RNF6: variants seen among roughly 807,000 people sequenced by gnomAD.
RNF6 encodes E3 ubiquitin-protein ligase RNF6.
Under a neutral mutation model 50.1 loss-of-function variants are expected in RNF6, and 21 were observed. That is an observed-to-expected ratio of 0.42 (90% CI 0.30 to 0.60). The LOEUF (loss-of-function observed/expected upper bound fraction) is 0.60. RNF6 is among the 20% of genes least tolerant of loss of function. The pLI is 0.20. For synonymous variants in RNF6, 255 were observed against 291.8 expected, an observed-to-expected ratio of 0.87 and a Z score of 1.29; for missense variants, 698 against 838.2, an observed-to-expected ratio of 0.83 and a Z score of 2.07.
chr13:26,198,128 GTATA>G (rs61658351), intron 5 of RNF6, among the ~76,000 whole-genome samples: 132,847 of 149,938 alleles, frequency 0.89, 59,054 homozygotes, highest in East Asian at 0.98. Context: ...GTGTGTGTGT[GTATA>G]TATATATATA....
intron 5 of RNF6, among the ~76,000 whole-genome samples, chr13:26,153,880 G>A (rs141813336): frequency 1.3e-3 from 203 of 152,176 alleles, no homozygotes; most frequent in African/African-American, 4.7e-3. Context: ...GTATTTTTCA[G>A]CCCCAAAATG....
At chr13:26,141,315 C>G (rs1413519467) in intron 5 of RNF6, among the ~76,000 whole-genome samples, 1 of 151,652 alleles carries the variant, frequency 6.6e-6, no homozygotes, top group African/African-American at 2.4e-5. Flanking sequence ...TTAATCCTAG[C>G]TACTCAGGAG....
intron 5 of RNF6, among the ~76,000 whole-genome samples, chr13:26,198,996 A>G (rs1868789993): frequency 6.6e-6 from 1 of 151,990 alleles, no homozygotes. Flanking sequence ...ATAAATGGAG[A>G]TATATACCAT....
At chr13:26,211,002 T>C (rs921139494), downstream of RNF6, among the ~76,000 whole-genome samples, 2 of 152,228 alleles carry the variant, frequency 1.3e-5, no homozygotes, top group African/African-American at 4.8e-5. Context: ...TCTACGGACC[T>C]GACATGGAAC....
At chr13:26,206,009 T>C (rs894713396) in intron 5 of RNF6, among the ~76,000 whole-genome samples, 1 of 152,122 alleles carries the variant, frequency 6.6e-6, no homozygotes, top group Non-Finnish European at 1.5e-5. Context: ...TAACCCTGTC[T>C]CAAAAAATTT....
At chr13:26,133,576 T>G (rs969510755) in intron 5 of RNF6, among the ~76,000 whole-genome samples, 1 of 152,060 alleles carries the variant, frequency 6.6e-6, no homozygotes, top group Admixed American at 6.6e-5. Context: ...AGTCCACTGA[T>G]TCTTTCTTCT....
At chr13:26,220,340 A>T (rs1870349456) in intron 2 of RNF6, among the ~76,000 whole-genome samples, 2 of 152,334 alleles carry the variant, frequency 1.3e-5, no homozygotes, top group Non-Finnish European at 1.5e-5. Context: ...CCCCATATCA[A>T]GCCTCATCCT....
At chr13:26,202,555 A>G (rs1318652725) in intron 5 of RNF6, among the ~76,000 whole-genome samples, 1 of 152,236 alleles carries the variant, frequency 6.6e-6, no homozygotes, top group Admixed American at 6.5e-5. Context: ...GTTAAAGCTC[A>G]GAGAGGAAAT....
At chr13:26,134,403 A>G (rs1353464946) in intron 5 of RNF6, among the ~76,000 whole-genome samples, 2 of 152,104 alleles carry the variant, frequency 1.3e-5, no homozygotes, top group Admixed American at 1.3e-4. Flanking sequence ...TGGTGTCAAC[A>G]TTTTGTCTTG....
In RNF6 at chr13:26,214,639, C is replaced by A; in HGVS notation, c.1243G>T (p.Asp415Tyr). The A allele has an allele frequency of 6.2e-7, 1 of 1,614,184 alleles. No homozygotes were observed. Among genetic ancestry groups the A allele is most frequent in the Non-Finnish European group, 8.5e-7 (1 of 1,180,024 alleles). ...GATCGAGTTCTATTTGCAATACTAT[C>A]CCGATCTCTATTTTCTCCAGGACGG... ...RIRPGENRDR[D>Y]SIANRTRSRV... Residue 415 changes from aspartate to tyrosine, a missense_variant, in exon 5 of 5, where the codon GAT becomes TAT. Transcript: ENST00000381588.
intron 5 of RNF6, among the ~76,000 whole-genome samples, chr13:26,150,518 C>G (rs529922788): frequency 6.6e-6 from 1 of 152,206 alleles, no homozygotes; most frequent in South Asian, 2.1e-4. Flanking sequence ...TTTGTGTGTG[C>G]ATCCCTTTCA....
In RNF6 at chr13:26,203,951, TCAAA is replaced by T. The variant is rs199725066; in HGVS notation, n.768+11519_768+11522del. 7.0e-3 allele frequency among the ~76,000 whole-genome samples: 1,066 copies of T among 151,936 alleles called. 8 individuals are homozygous for T. Among genetic ancestry groups the T allele is most frequent in the Middle Eastern group, 0.024 (7 of 294 alleles). ...CTGGGCGACAGAGCGAGACTCGGTCTCAAACAAACAAACAAACAAACAAAAACTG... is the reference window on the plus strand; with the variant it reads ...CTGGGCGACAGAGCGAGACTCGGTCTCAAACAAACAAACAAACAAAAACTG... On this transcript the variant is annotated intron_variant and non_coding_transcript_variant, in intron 5 of 5. Coordinates refer to the RNF6 transcript ENST00000468480.
intron 5 of RNF6, among the ~76,000 whole-genome samples, chr13:26,166,415 T>C (rs1466701596): frequency 3.3e-5 from 5 of 152,148 alleles, no homozygotes; most frequent in Admixed American, 6.5e-5. Context: ...AGTCAAACTA[T>C]CCCTGTTTGC....
chr13:26,187,103 G>A (rs557681667), intron 5 of RNF6, among the ~76,000 whole-genome samples: 298 of 143,710 alleles, frequency 2.1e-3, no homozygotes, highest in African/African-American at 7.3e-3. Context: ...CTAGAGCCTT[G>A]CTTGGCCTGA....
intron 5 of RNF6, among the ~76,000 whole-genome samples, chr13:26,180,987 T>C (rs1873208722): frequency 6.6e-6 from 1 of 152,242 alleles, no homozygotes; most frequent in Admixed American, 6.5e-5. Context: ...GTGCTGGCTG[T>C]CCAGGTATTG....
At chr13:26,141,479 T>A (rs927739836) in intron 5 of RNF6, among the ~76,000 whole-genome samples, 2 of 149,186 alleles carry the variant, frequency 1.3e-5, no homozygotes, top group African/African-American at 4.9e-5. Context: ...AATTGCAAAC[T>A]GTACTACAAG....
chr13:26,188,195 T>C (rs1873646623), intron 5 of RNF6, among the ~76,000 whole-genome samples: 1 of 152,190 alleles, frequency 6.6e-6, no homozygotes, highest in African/African-American at 2.4e-5. Context: ...CGAAGTGACC[T>C]CAATTGCTGA....
chr13:26,181,624 G>A (rs985012867), intron 5 of RNF6, among the ~76,000 whole-genome samples: 1 of 152,198 alleles, frequency 6.6e-6, no homozygotes, highest in African/African-American at 2.4e-5. Context: ...TATACCATTG[G>A]TAGGTATGTC....
chr13:26,184,934 C>A (rs772962524), intron 5 of RNF6, among the ~76,000 whole-genome samples: 1 of 152,142 alleles, frequency 6.6e-6, no homozygotes, highest in Non-Finnish European at 1.5e-5. Context: ...CTAGTGAGCT[C>A]CAAAGTGCGC....
Sources: allele counts gnomAD v4.1 joint callset (sites outside exome capture counted in the v4.1 genomes callset), GRCh38; gene constraint gnomAD v4.1.1; transcripts MANE v1.5; gene names NCBI Gene and HGNC (gene_info 2026-07-23, HGNC 2026-07-21).